LDLRAD3: variants seen among roughly 807,000 people sequenced by gnomAD.
The protein encoded by LDLRAD3 is low-density lipoprotein receptor class A domain-containing protein 3.
LDLRAD3 carries 20 observed loss-of-function variants against 29.4 expected under a neutral mutation model. The ratio of observed to expected loss-of-function variants is 0.68; its 90% CI spans 0.48 to 0.99. LDLRAD3 has a LOEUF of 0.99. LDLRAD3 is among the 50% of genes least tolerant of loss of function. LDLRAD3 has a pLI of 0.00. For missense variants in LDLRAD3, 420 were observed against 454.3 expected (o/e 0.92, Z 0.69); for synonymous variants, 157 against 192.7 (o/e 0.81, Z 1.53).
At position 36,147,023 on chromosome 11, in the gene LDLRAD3, C is replaced by T. The variant is rs1032988057; in HGVS notation, c.454+48562C>T. 2.0e-5 allele frequency among the ~76,000 whole-genome samples: 3 copies of T among 149,610 alleles called. No individual in the cohort carries two copies. In the South Asian group the frequency reaches 6.3e-4, roughly 32 times the overall value. On this transcript the variant is annotated intron_variant, in intron 4 of 5. Coordinates refer to ENST00000315571, the MANE Select transcript of LDLRAD3 (RefSeq NM_174902.4). ...CAGGCTGGTCTCCAACTCCTAACCT[C>T]GAGTGACCCACCCACCTTGGCCCCC...
intron 4 of LDLRAD3, among the ~76,000 whole-genome samples, chr11:36,182,436 G>C (rs993065391): frequency 6.6e-6 from 1 of 152,182 alleles, no homozygotes; most frequent in African/African-American, 2.4e-5. Flanking sequence ...AATATAGGTA[G>C]AAGTACAGTA....
At chr11:36,222,793 G>A (rs1855447779) in intron 4 of LDLRAD3, among the ~76,000 whole-genome samples, 1 of 152,174 alleles carries the variant, frequency 6.6e-6, no homozygotes, top group African/African-American at 2.4e-5. Context: ...TGACTTTGAG[G>A]TGAAGAGCAC....
intron 4 of LDLRAD3, among the ~76,000 whole-genome samples, chr11:36,194,309 C>T (rs1184704920): frequency 6.6e-6 from 1 of 152,184 alleles, no homozygotes; most frequent in South Asian, 2.1e-4. Flanking sequence ...AGGCGTCTCT[C>T]ATCTTAGTTA....
At chr11:36,018,533 G>T (rs1411881555) in intron 1 of LDLRAD3, among the ~76,000 whole-genome samples, 1 of 151,788 alleles carries the variant, frequency 6.6e-6, no homozygotes, top group African/African-American at 2.4e-5. Context: ...ACTTTTACAA[G>T]TGATGCTATA....
At chr11:36,161,264 A>G (rs1158683250) in intron 4 of LDLRAD3, among the ~76,000 whole-genome samples, 4 of 151,780 alleles carry the variant, frequency 2.6e-5, no homozygotes, top group African/African-American at 9.7e-5. Flanking sequence ...TTCTTATATT[A>G]CCCCTTTGAT....
At chr11:36,053,660 T>C (rs1852562386) in intron 2 of LDLRAD3, among the ~76,000 whole-genome samples, 1 of 152,226 alleles carries the variant, frequency 6.6e-6, no homozygotes, top group African/African-American at 2.4e-5. Flanking sequence ...GCACATCTGC[T>C]TGGAATCCTC....
intron 4 of LDLRAD3, among the ~76,000 whole-genome samples, chr11:36,216,213 C>A (rs11605931): frequency 0.15 from 23,554 of 152,150 alleles, 2,600 homozygotes; most frequent in African/African-American, 0.31. Context: ...CAGCTGCAAC[C>A]CAGAGCTTCC....
intron 4 of LDLRAD3, among the ~76,000 whole-genome samples, chr11:36,224,067 A>G (rs1418326863): frequency 2.0e-5 from 3 of 148,688 alleles, no homozygotes; most frequent in Admixed American, 1.3e-4. Flanking sequence ...CTATTTTATC[A>G]TTATTATATA....
intron 1 of LDLRAD3, among the ~76,000 whole-genome samples, chr11:36,002,959 C>A (rs1159871322): frequency 6.6e-6 from 1 of 152,220 alleles, no homozygotes; most frequent in African/African-American, 2.4e-5. Context: ...TATAGAGTAA[C>A]CTTGCATGTG....
chr11:36,215,055 A>G (rs1458696565), intron 4 of LDLRAD3, among the ~76,000 whole-genome samples: 1 of 152,194 alleles, frequency 6.6e-6, no homozygotes, highest in Non-Finnish European at 1.5e-5. Context: ...ATGGAGAGTG[A>G]TGTCGGTGGG....
At chr11:36,095,013 CT>C (rs1357841783) in intron 3 of LDLRAD3, among the ~76,000 whole-genome samples, 7 of 152,022 alleles carry the variant, frequency 4.6e-5, no homozygotes, top group Middle Eastern at 3.4e-3. Context: ...AGCAAGACCC[CT>C]GTCTCTACAA....
intron 1 of LDLRAD3, among the ~76,000 whole-genome samples, chr11:35,959,076 G>A (rs1021144718): frequency 2.2e-4 from 34 of 152,188 alleles, no homozygotes; most frequent in African/African-American, 8.2e-4. Context: ...CCTGTTTCTT[G>A]CTGGCTTTTT....
intron 1 of LDLRAD3, chr11:35,967,520 T>G (rs1851357152): frequency 2.7e-6 from 1 of 365,078 alleles, no homozygotes; most frequent in Admixed American, 3.8e-5. Context: ...GCAGCAACTA[T>G]CTGCTTTTTC....
intron 2 of LDLRAD3, among the ~76,000 whole-genome samples, chr11:36,067,636 A>C (rs1307050580): frequency 6.6e-6 from 1 of 152,126 alleles, no homozygotes; most frequent in East Asian, 1.9e-4. Flanking sequence ...ACAACATTTA[A>C]ACCCAGGCAG....
chr11:36,162,551 C>T (rs1009121802), intron 4 of LDLRAD3, among the ~76,000 whole-genome samples: 2 of 152,200 alleles, frequency 1.3e-5, no homozygotes, highest in Non-Finnish European at 2.9e-5. Context: ...TTTGAGTGCA[C>T]ATGACTGAGG....
chr11:36,159,602 TAAAAAAA>T (rs66512652), intron 4 of LDLRAD3, among the ~76,000 whole-genome samples: 1 of 58,468 alleles, frequency 1.7e-5, no homozygotes, highest in African/African-American at 5.9e-5. Context: ...TTACAGAAAC[TAAAAAAA>T]AAAAAAAAAA....
chr11:35,984,734 C>T (rs534276998), intron 1 of LDLRAD3, among the ~76,000 whole-genome samples: 205 of 152,204 alleles, frequency 1.3e-3, no homozygotes, highest in African/African-American at 4.7e-3. Flanking sequence ...CGGGGTCAAG[C>T]GATTCTCCTG....
At chr11:36,041,751 G>A (rs1347639279) in intron 2 of LDLRAD3, among the ~76,000 whole-genome samples, 1 of 152,096 alleles carries the variant, frequency 6.6e-6, no homozygotes, top group African/African-American at 2.4e-5. Flanking sequence ...GTGGTTGAGG[G>A]GATCTTGAAT....
intron 1 of LDLRAD3, among the ~76,000 whole-genome samples, chr11:35,966,817 T>C (rs114836482): frequency 0.071 from 10,850 of 152,308 alleles, 989 homozygotes; most frequent in African/African-American, 0.21. Context: ...GGTTGGGAAC[T>C]CTTTTTCAGA....
Sources: gnomAD v4.1 joint callset for allele counts (sites outside exome capture counted in the v4.1 genomes callset) on GRCh38, gnomAD v4.1.1 for gene constraint, MANE v1.5 for transcripts, NCBI Gene and HGNC (gene_info 2026-07-23, HGNC 2026-07-21) for gene names.